The following ALG13 variants were observed in gnomAD, a reference collection of about 807,000 sequenced individuals.
ALG13 encodes the protein ALG13 UDP-N-acetylglucosaminyltransferase subunit.
ALG13 carries 11 observed loss-of-function variants against 87.8 expected under a neutral mutation model. That is an observed-to-expected ratio of 0.13 (90% confidence interval 0.08 to 0.21). ALG13 has a LOEUF of 0.21. Among genes scored for constraint, ALG13 ranks in the 10% least tolerant of loss-of-function variants. The pLI is 1.00. For synonymous variants in ALG13, 320 were observed against 306.3 expected (o/e 1.04, Z -0.47); for missense variants, 756 against 866.1 (o/e 0.87, Z 1.60).
chrX:111,716,004 A>G (rs1940539033), intron 8 of ALG13, among the ~76,000 whole-genome samples: 1 of 111,922 alleles, frequency 8.9e-6, no homozygotes, highest in Non-Finnish European at 1.9e-5. Context: ...AATGTAGAGT[A>G]AGAAAGTCCC....
intron 15 of ALG13, among the ~76,000 whole-genome samples, chrX:111,726,043 A>G (rs1367615400): frequency 2.7e-5 from 3 of 111,399 alleles, no homozygotes; most frequent in Non-Finnish European, 5.7e-5. Context: ...TCCCGGGTTC[A>G]CGCCATTCTC....
chrX:111,688,452 T>G, intron 3 of ALG13: 1 of 751,443 alleles, frequency 1.3e-6, no homozygotes, highest in Non-Finnish European at 1.6e-6. Context: ...TGGATTATGC[T>G]CTGTGAAATG....
At position 111,758,436 on chromosome X, in the gene ALG13, C is replaced by G. The variant is rs765879117; in HGVS notation, c.3148+674C>G. Among the ~76,000 whole-genome samples, 21 of 112,091 alleles carry G rather than the reference C, an allele frequency of 1.9e-4. No individual in the cohort carries two copies. In the South Asian group the frequency reaches 7.0e-3, roughly 37 times the overall value. On this transcript the variant is annotated intron_variant, in intron 26 of 26. Transcript: ENST00000394780. ...TTGCCAAAGATACAATTTTAGCTTT[C>G]AAATAAAAATTAGAATTTTGGAAAA...
At chrX:111,744,311 A>G (rs370319761) in intron 23 of ALG13, among the ~76,000 whole-genome samples, 338 of 111,822 alleles carry the variant, frequency 3.0e-3, no homozygotes, top group Non-Finnish European at 5.6e-3. Context: ...ATTGCTGAAA[A>G]CATTCTTAAA....
chrX:111,695,522 T>TAA (rs750000273), intron 3 of ALG13, among the ~76,000 whole-genome samples: 3 of 92,561 alleles, frequency 3.2e-5, no homozygotes, highest in Non-Finnish European at 4.3e-5. Context: ...AAACTCTGTT[T>TAA]AAAAAAAAAA....
At chrX:111,753,631 G>C (rs1944957390) in intron 25 of ALG13, among the ~76,000 whole-genome samples, 3 of 111,952 alleles carry the variant, frequency 2.7e-5, no homozygotes, top group Admixed American at 9.5e-5. Flanking sequence ...TGCCATCAGA[G>C]AATACTATAA....
chrX:111,689,451 A>G (rs1935735046), intron 3 of ALG13: 2 of 751,988 alleles, frequency 2.7e-6, no homozygotes, highest in Non-Finnish European at 3.1e-6. Flanking sequence ...AAAAGGCTAT[A>G]CAGCCCCTAA....
intron 3 of ALG13, among the ~76,000 whole-genome samples, chrX:111,693,856 A>G (rs1235712018): frequency 9.1e-6 from 1 of 110,448 alleles, no homozygotes; most frequent in Non-Finnish European, 1.9e-5. Context: ...ACTTTCAGAA[A>G]GTTTGCAGGA....
intron 26 of ALG13, 72 bp from the exon 27 acceptor site, chrX:111,759,662 T>G: frequency 2.2e-6 from 2 of 910,516 alleles, no homozygotes; most frequent in Non-Finnish European, 3.0e-6. Context: ...AGAACATCCA[T>G]TTATGTTGCA....
intron 8 of ALG13, among the ~76,000 whole-genome samples, chrX:111,716,103 G>A (rs1940554670): frequency 8.9e-6 from 1 of 111,994 alleles, no homozygotes; most frequent in East Asian, 2.8e-4. Flanking sequence ...GTATTGGTGA[G>A]TATCTTTCTG....
In ALG13 at chrX:111,681,981, T is replaced by C. The variant is rs2147620278; in HGVS notation, c.82-151T>C. On this transcript the variant is annotated intron_variant, in intron 1 of 26. Coordinates refer to ENST00000394780, the MANE Select transcript of ALG13 (RefSeq NM_001099922.3). ...CCTCGTCGGGCCCCGGACCAGAAAA[T>C]AGTTTTGAAAACTAAGTGAAATCGG... The C allele has an allele frequency of 4.8e-6, 4 of 830,110 alleles. No homozygotes were observed. The East Asian group carries it at 1.1e-4, about 24-fold the overall frequency. 68.4% of individuals were successfully genotyped at this position (830,110 alleles called of 1,213,427 possible).
chrX:111,707,557 A>C (rs1295029178), intron 3 of ALG13, among the ~76,000 whole-genome samples: 1 of 111,903 alleles, frequency 8.9e-6, no homozygotes, highest in Non-Finnish European at 1.9e-5. Context: ...GATTAAGGGA[A>C]GTTCCTTCTC....
intron 26 of ALG13, 139 bp downstream of exon 26, chrX:111,757,901 G>C: frequency 1.8e-6 from 1 of 570,211 alleles, no homozygotes; most frequent in Non-Finnish European, 2.7e-6. Flanking sequence ...ACCTCTTGTG[G>C]TCCCTAAGAC....
chrX:111,716,523 T>C (rs1224423196), intron 8 of ALG13, among the ~76,000 whole-genome samples: 1 of 112,574 alleles, frequency 8.9e-6, no homozygotes, highest in African/African-American at 3.2e-5. Flanking sequence ...ATTTCTCTGC[T>C]CAAAATCTGC....
intron 3 of ALG13, 43 bp from the exon 4 acceptor site, chrX:111,707,984 T>A: frequency 8.6e-7 from 1 of 1,162,403 alleles, no homozygotes; most frequent in African/African-American, 1.8e-5. Context: ...TAGTCTGAGT[T>A]CCCTATTCCT....
In ALG13 at chrX:111,724,810, A is replaced by G. The variant is rs980863130; in HGVS notation, c.1602-124A>G. ...TTCTAAACTAATAAAAAATTAAACA[A>G]GGAAACTGGTGTCAACCAGGTTTTA... On this transcript the variant is annotated intron_variant, in intron 14 of 26. Transcript: ENST00000394780. 4 of 726,059 alleles carry G rather than the reference A, an allele frequency of 5.5e-6. No homozygotes were observed. In the Admixed American group the frequency reaches 9.8e-5, roughly 18 times the overall value. 59.8% of individuals were successfully genotyped at this position (726,059 alleles called of 1,213,427 possible).
chrX:111,718,533 A>G (rs1345241162), intron 10 of ALG13, among the ~76,000 whole-genome samples: 1 of 111,723 alleles, frequency 9.0e-6, no homozygotes, highest in Non-Finnish European at 1.9e-5. Context: ...CATGATTCTC[A>G]AACTTTAGTT....
In ALG13 at chrX:111,721,730, G is replaced by T; in HGVS notation, c.1435+19G>T. On this transcript the variant is annotated intron_variant, in intron 12 of 26. Coordinates refer to ENST00000394780, the MANE Select transcript of ALG13 (RefSeq NM_001099922.3). ...AGAAAAGGTAAAGAAATATCAACAG[G>T]ATACTTTTGAATCCTGACAAATCCA... 1 of 1,065,056 alleles carries T rather than the reference G, an allele frequency of 9.4e-7. No individual in the cohort carries two copies. The highest frequency in any genetic ancestry group is 1.3e-6 in the Non-Finnish European group (1 of 772,399). 87.8% of individuals were successfully genotyped at this position (1,065,056 alleles called of 1,213,427 possible).
At chrX:111,709,629 A>G (rs1445558186) in intron 5 of ALG13, among the ~76,000 whole-genome samples, 1 of 110,933 alleles carries the variant, frequency 9.0e-6, no homozygotes, top group Non-Finnish European at 1.9e-5. Flanking sequence ...CAGAAGACAT[A>G]TTTGTACACC....
Sources: gnomAD v4.1 joint callset for allele counts (sites outside exome capture counted in the v4.1 genomes callset) on GRCh38, gnomAD v4.1.1 for gene constraint, MANE v1.5 for transcripts, NCBI Gene and HGNC (gene_info 2026-07-23, HGNC 2026-07-21) for gene names.